The following TRPC7 variants were observed in gnomAD, a reference collection of about 807,000 sequenced individuals.
The protein encoded by TRPC7 is short transient receptor potential channel 7.
Under a neutral mutation model 90.1 loss-of-function variants are expected in TRPC7, and 42 were observed. The observed-to-expected ratio is 0.47, with a 90% CI of 0.36 to 0.60. The LOEUF (loss-of-function observed/expected upper bound fraction) is 0.60. Ranked by LOEUF, TRPC7 falls within the 20% of genes least tolerant of loss-of-function variation. TRPC7 has a pLI of 0.00. For missense variants in TRPC7, 955 were observed against 1,112.3 expected (o/e 0.86, Z 2.01); for synonymous variants, 451 against 436.3 (o/e 1.03, Z -0.42).
chr5:136,340,119 A>T (rs1327981206), intron 2 of TRPC7, among the ~76,000 whole-genome samples: 1 of 152,254 alleles, frequency 6.6e-6, no homozygotes, highest in Non-Finnish European at 1.5e-5. Context: ...ATATATACAC[A>T]TTGGAATACT....
intron 1 of TRPC7, 60 bp downstream of exon 1, chr5:136,365,193 G>A (rs376682627): frequency 7.9e-5 from 120 of 1,520,644 alleles, no homozygotes; most frequent in Non-Finnish European, 9.9e-5. Flanking sequence ...ATATTTTAGC[G>A]AGAACACAAC....
rs147071846 is a variant in TRPC7, at chr5:136,222,777, G to A, written c.2343+2497C>T. Among the ~76,000 whole-genome samples, 34 of 152,338 alleles carry A rather than the reference G, an allele frequency of 2.2e-4. No homozygotes were observed. The East Asian group carries it at 6.4e-3, about 28-fold the overall frequency. ...AGGTGTCCAGGCAGCATGACGTGGT[G>A]AGAGAGGGGGGGCCCTCTGAGTCAG... On this transcript the variant is annotated intron_variant, in intron 10 of 11. Transcript: ENST00000513104.
intron 7 of TRPC7, among the ~76,000 whole-genome samples, chr5:136,246,734 C>T (rs1409610104): frequency 6.6e-6 from 1 of 152,112 alleles, no homozygotes; most frequent in Middle Eastern, 3.2e-3. Context: ...CAACTTTTAC[C>T]CAGAGTTCTG....
chr5:136,221,630 A>G (rs1254896292), intron 10 of TRPC7, among the ~76,000 whole-genome samples: 1 of 152,228 alleles, frequency 6.6e-6, no homozygotes, highest in Non-Finnish European at 1.5e-5. Context: ...CTAGGAAAAC[A>G]GAAATTGAGG....
chr5:136,358,008 C>A (rs1426585169), intron 1 of TRPC7, among the ~76,000 whole-genome samples: 2 of 152,130 alleles, frequency 1.3e-5, no homozygotes, highest in Non-Finnish European at 2.9e-5. Flanking sequence ...TACACCATGG[C>A]AAAACTGCAG....
In TRPC7 at chr5:136,279,816, A is replaced by T. The variant is rs557285142; in HGVS notation, c.964-4979T>A. ...TCTACATGCTGTTTCCAAACCTGGCATATGTAGCCACCCCCTGTCTATGTT... is the reference window on the plus strand; with the variant it reads ...TCTACATGCTGTTTCCAAACCTGGCTTATGTAGCCACCCCCTGTCTATGTT... On this transcript the variant is annotated intron_variant, in intron 3 of 11. Coordinates refer to ENST00000513104, the MANE Select transcript of TRPC7 (RefSeq NM_020389.3). Among the ~76,000 whole-genome samples, 143 of 152,268 alleles carry T rather than the reference A, an allele frequency of 9.4e-4. 1 individual carries two copies. Among genetic ancestry groups the T allele is most frequent in the African/African-American group, 3.2e-3 (132 of 41,544 alleles).
chr5:136,274,544 G>T, intron 4 of TRPC7, 129 bp downstream of exon 4: 1 of 1,005,796 alleles, frequency 9.9e-7, no homozygotes, highest in Non-Finnish European at 1.3e-6. Context: ...CTTTCACCGG[G>T]TATCTCAGGA....
chr5:136,351,956 GC>G (rs1315019427), intron 2 of TRPC7, among the ~76,000 whole-genome samples: 1 of 152,136 alleles, frequency 6.6e-6, no homozygotes, highest in Non-Finnish European at 1.5e-5. Flanking sequence ...GTTAGTTCTT[GC>G]CCCCTATTCT....
chr5:136,250,030 G>A (rs1756470487), intron 6 of TRPC7, among the ~76,000 whole-genome samples: 1 of 152,184 alleles, frequency 6.6e-6, no homozygotes, highest in South Asian at 2.1e-4. Flanking sequence ...GGACAATACT[G>A]CAGCCTGAAT....
intron 2 of TRPC7, among the ~76,000 whole-genome samples, chr5:136,326,349 T>C (rs1448421090): frequency 1.3e-5 from 2 of 152,224 alleles, no homozygotes; most frequent in Non-Finnish European, 1.5e-5. Context: ...GAATCACATA[T>C]GGTTTAGCTA....
chr5:136,303,412 G>A (rs1018469132), intron 3 of TRPC7, among the ~76,000 whole-genome samples: 1 of 152,072 alleles, frequency 6.6e-6, no homozygotes, highest in Admixed American at 6.6e-5. Flanking sequence ...CACCTTCAAG[G>A]TGTACAATAA....
intron 3 of TRPC7, among the ~76,000 whole-genome samples, chr5:136,297,118 A>C (rs1401524638): frequency 6.6e-6 from 1 of 151,972 alleles, no homozygotes; most frequent in African/African-American, 2.4e-5. Context: ...TCCCCCTTTC[A>C]TGGCCTGGCT....
At position 136,226,348 on chromosome 5, in the gene TRPC7, G is replaced by A. The variant is rs938400944; in HGVS notation, c.2041-93C>T. The A allele has an allele frequency of 6.6e-5, 59 of 895,670 alleles. No homozygotes were observed. The East Asian group carries it at 6.9e-4, about 10-fold the overall frequency. 55.5% of individuals were successfully genotyped at this position (895,670 alleles called of 1,614,324 possible). ...GAGCAGAGACACAGCCCCAACATTC[G>A]GAAAGCAGACTTCTAAGCAGGACTT... On this transcript the variant is annotated intron_variant, in intron 8 of 11. Coordinates refer to ENST00000513104, the MANE Select transcript of TRPC7 (RefSeq NM_020389.3).
At chr5:136,259,580 T>C (rs1246144934) in intron 5 of TRPC7, among the ~76,000 whole-genome samples, 1 of 152,236 alleles carries the variant, frequency 6.6e-6, no homozygotes, top group African/African-American at 2.4e-5. Context: ...ACTACTAGCA[T>C]TATTACACAG....
chr5:136,216,317 A>G (rs757838630), intron 10 of TRPC7, 42 bp from the exon 11 acceptor site: 5 of 1,516,232 alleles, frequency 3.3e-6, no homozygotes, highest in Non-Finnish European at 3.6e-6. Flanking sequence ...GGGCTGGCCT[A>G]ATGCAGAGGC....
Position 136,216,268 on chromosome 5 carries a change from A to G in TRPC7, c.2351T>C (p.Met784Thr). The change falls in exon 11 of 12, where the codon ATG (methionine) becomes ACG (threonine). Residue 784 changes from methionine to threonine, a missense_variant. By Grantham distance (81) the Met-to-Thr change is moderately conservative. Transcript: ENST00000513104. Reference sequence around the variant, plus strand: ...GACGTATCTTTTTATGAGCCGTTTCATGATTTTCTGAAATGCCAAGCAAGG... The same window carrying G: ...GACGTATCTTTTTATGAGCCGTTTCGTGATTTTCTGAAATGCCAAGCAAGG... ...LSKPTRYQKI[M>T]KRLIKRYVLK... 5.6e-6 allele frequency: 9 copies of G among 1,612,608 alleles called. No homozygotes were observed. The highest frequency in any genetic ancestry group is 7.6e-6 in the Non-Finnish European group (9 of 1,179,326).
intron 7 of TRPC7, among the ~76,000 whole-genome samples, chr5:136,243,330 TG>T (rs1412367050): frequency 2.8e-5 from 4 of 140,786 alleles, no homozygotes; most frequent in African/African-American, 1.1e-4. Flanking sequence ...GGAATGGGGT[TG>T]GGGGGAGGTC....
chr5:136,241,562 C>CTTT (rs375780408), intron 7 of TRPC7, among the ~76,000 whole-genome samples: 1 of 146,942 alleles, frequency 6.8e-6, no homozygotes, highest in Admixed American at 6.8e-5. Context: ...TCCTTCCTTC[C>CTTT]TTTTTTTTTT....
chr5:136,337,976 C>A (rs1042912368), intron 2 of TRPC7, among the ~76,000 whole-genome samples: 1 of 152,136 alleles, frequency 6.6e-6, no homozygotes, highest in Non-Finnish European at 1.5e-5. Flanking sequence ...GCAAACATGA[C>A]CTCTCACCTC....
Sources: allele counts gnomAD v4.1 joint callset (sites outside exome capture counted in the v4.1 genomes callset), GRCh38; gene constraint gnomAD v4.1.1; transcripts MANE v1.5; gene names NCBI Gene and HGNC (gene_info 2026-07-23, HGNC 2026-07-21).